Variants in NIPA1 observed in about 807,000 individuals in gnomAD.
The protein encoded by NIPA1 is NIPA magnesium transporter 1.
In NIPA1, 13 loss-of-function variants were observed where a neutral mutation model predicts 23.9. The observed-to-expected ratio is 0.54, with a 90% CI of 0.35 to 0.87. The LOEUF (loss-of-function observed/expected upper bound fraction) is 0.87. Ranked by LOEUF, NIPA1 falls within the 40% of genes least tolerant of loss-of-function variation. The pLI is 0.01. For missense variants in NIPA1, 362 were observed against 429.7 expected, an observed-to-expected ratio of 0.84 and a Z score of 1.39; for synonymous variants, 234 against 202.9, an observed-to-expected ratio of 1.15 and a Z score of -1.30.
At chr15:22,800,939 AAAAAG>A (rs1339872496) in intron 1 of NIPA1, among the ~76,000 whole-genome samples, 6 of 67,000 alleles carry the variant, frequency 9.0e-5, no homozygotes, top group African/African-American at 2.1e-4. Context: ...TCAAAAAAAA[AAAAAG>A]AAAAAAAAAA....
chr15:22,814,595 T>C lies in NIPA1; in HGVS notation c.317+2342T>C, dbSNP rs535035573. Among the ~76,000 whole-genome samples, 5 of 152,282 alleles carry C rather than the reference T, an allele frequency of 3.3e-5. No individual in the cohort carries two copies. The South Asian group carries it at 1.0e-3, about 32-fold the overall frequency. ...TACATAGAAACAGAAATGAAAAGAA[T>C]GTGGCACTGGAAAAATAAGTCTGTG... On this transcript the variant is annotated intron_variant, in intron 3 of 4. Transcript: ENST00000337435.
At chr15:22,800,099 G>A (rs1433985503) in intron 1 of NIPA1, among the ~76,000 whole-genome samples, 2 of 151,850 alleles carry the variant, frequency 1.3e-5, no homozygotes, top group African/African-American at 2.4e-5. Context: ...TTCACTAGAA[G>A]CCCAAACCCC....
intron 1 of NIPA1, among the ~76,000 whole-genome samples, chr15:22,790,704 A>G (rs979789093): frequency 1.3e-5 from 2 of 152,118 alleles, no homozygotes; most frequent in South Asian, 2.1e-4. Context: ...GTGAGCCACC[A>G]TGCTTGGCCT....
chr15:22,812,831 C>T (rs185745758), intron 3 of NIPA1, among the ~76,000 whole-genome samples: 2 of 152,134 alleles, frequency 1.3e-5, no homozygotes, highest in East Asian at 1.9e-4. Flanking sequence ...GGTCGTTGTC[C>T]TGGAGTACAT....
In NIPA1 at chr15:22,810,289, C is replaced by T. The variant is rs796660082; in HGVS notation, c.179-460C>T. ...GTTCCCGCATGGCTGAAAGAAGAGT[C>T]GTATCAGAAGAGTTATAAATAATGA... On this transcript the variant is annotated intron_variant, in intron 1 of 4. Transcript: ENST00000337435. Among the ~76,000 whole-genome samples, 48 of 152,112 alleles carry T rather than the reference C, an allele frequency of 3.2e-4. 1 individual carries two copies. The highest frequency in any genetic ancestry group is 1.2e-3 in the African/African-American group (48 of 41,496).
intron 1 of NIPA1, among the ~76,000 whole-genome samples, chr15:22,800,756 A>G (rs1436238461): frequency 6.6e-6 from 1 of 151,888 alleles, no homozygotes; most frequent in East Asian, 1.9e-4. Context: ...GTAAAACCCC[A>G]TCTCTACTAA....
chr15:22,808,679 C>CTTTTTTTT lies in NIPA1; in HGVS notation c.179-2069_179-2062dup, dbSNP rs59983551. Among the ~76,000 whole-genome samples, 19 of 128,328 alleles carry CTTTTTTTT rather than the reference C, an allele frequency of 1.5e-4. 9 individuals carry two copies. Among genetic ancestry groups the CTTTTTTTT allele is most frequent in the Non-Finnish European group, 1.9e-4 (12 of 63,472 alleles). The allele number at this position is 128,328 out of a possible 152,430, so 84.2% of individuals were successfully genotyped here. On this transcript the variant is annotated intron_variant, in intron 1 of 4. Transcript: ENST00000337435. Reference sequence around the variant, plus strand: ...TGTGATGTGATCAAATAGCAATATTCTTTTTTTTGAGACAGTGTCTCACTC... The same window carrying CTTTTTTTT: ...TGTGATGTGATCAAATAGCAATATTCTTTTTTTTTTTTTTTTGAGACAGTGTCTCACTC...
intron 4 of NIPA1, among the ~76,000 whole-genome samples, chr15:22,820,980 C>CT (rs34707760): frequency 0.057 from 7,980 of 140,334 alleles, 307 homozygotes; most frequent in Middle Eastern, 0.12. Context: ...CTTTTCTTTT[C>CT]TTTTTTTTTT....
At chr15:22,818,461 T>A (rs1732396210) in intron 3 of NIPA1, among the ~76,000 whole-genome samples, 1 of 148,852 alleles carries the variant, frequency 6.7e-6, no homozygotes, top group African/African-American at 2.5e-5. Context: ...AAACAGAAAC[T>A]CTTACAGTGC....
At position 22,827,097 on chromosome 15, in the gene NIPA1, T is replaced by A. The variant is rs895459764; in HGVS notation, c.*2858T>A. 1 of 152,168 alleles carries A rather than the reference T, an allele frequency of 6.6e-6. No individual in the cohort carries two copies. The highest frequency in any genetic ancestry group is 1.5e-5 in the Non-Finnish European group (1 of 68,028). The allele number at this position is 152,168 out of a possible 1,614,324, so 9.4% of individuals were successfully genotyped here. A position where few individuals can be genotyped will look rare whatever the true frequency, so the allele number is the denominator to read the frequency against. Reference sequence around the variant, plus strand: ...TGTACTTGAAATATTTTCATTATCATACTATTCTTTGAAAAAAAAGATGCT... The same window carrying A: ...TGTACTTGAAATATTTTCATTATCAAACTATTCTTTGAAAAAAAAGATGCT... On this transcript the variant is annotated 3_prime_UTR_variant, in exon 5 of 5. Transcript: ENST00000337435.
intron 1 of NIPA1, among the ~76,000 whole-genome samples, chr15:22,797,694 G>A (rs550614097): frequency 2.4e-4 from 36 of 151,656 alleles, no homozygotes; most frequent in African/African-American, 4.8e-4. Context: ...GTAGAGTTGA[G>A]TTTTCACTAT....
intron 3 of NIPA1, among the ~76,000 whole-genome samples, chr15:22,814,630 A>G (rs1027871836): frequency 7.9e-5 from 12 of 152,348 alleles, no homozygotes; most frequent in African/African-American, 2.9e-4. Flanking sequence ...GTAGCAGTGA[A>G]TAGAATAGAG....
At chr15:22,802,391 CAAAAA>C (rs10689474) in intron 1 of NIPA1, among the ~76,000 whole-genome samples, 5 of 114,644 alleles carry the variant, frequency 4.4e-5, no homozygotes, top group Non-Finnish European at 9.0e-5. Context: ...GACTCTGTCT[CAAAAA>C]AAAAAAAAAA....
chr15:22,803,856 T>G (rs1895142225), intron 1 of NIPA1, among the ~76,000 whole-genome samples: 1 of 151,782 alleles, frequency 6.6e-6, no homozygotes. Flanking sequence ...ATTTTTTGTA[T>G]TTTTAGTAGA....
intron 1 of NIPA1, among the ~76,000 whole-genome samples, chr15:22,788,495 T>G (rs1399092361): frequency 1.4e-5 from 1 of 69,874 alleles, no homozygotes; most frequent in Non-Finnish European, 3.8e-5. Context: ...CAAGACTCCA[T>G]CTCAAAAAAA....
At chr15:22,803,700 G>T (rs1895138266) in intron 1 of NIPA1, among the ~76,000 whole-genome samples, 1 of 105,834 alleles carries the variant, frequency 9.4e-6, no homozygotes, top group Admixed American at 1.0e-4. Flanking sequence ...TTTTTTTTGA[G>T]ACAGAGTCTT....
At position 22,786,770 on chromosome 15, in the gene NIPA1, G is replaced by T; in HGVS notation, c.114G>T (p.Ser38=). The T allele has an allele frequency of 7.6e-7, 1 of 1,319,072 alleles. No individual in the cohort carries two copies. 81.7% of individuals were successfully genotyped at this position (1,319,072 alleles called of 1,614,324 possible). A position where few individuals can be genotyped will look rare whatever the true frequency, so the allele number is the denominator to read the frequency against. Reference sequence around the variant, plus strand: ...TCGGCCTGGGCGTGGCCGTCGTGTCGAGCCTGGTGAACGGGTCCACGTTCG... The same window carrying T: ...TCGGCCTGGGCGTGGCCGTCGTGTCTAGCCTGGTGAACGGGTCCACGTTCG... ...VSLGLGVAVV[S]SLVNGSTFVL... Residue 38 remains serine (S), a synonymous_variant, in exon 1 of 5, where the codon TCG becomes TCT. Transcript: ENST00000337435.
At chr15:22,802,422 T>C (rs1248811980) in intron 1 of NIPA1, among the ~76,000 whole-genome samples, 1 of 151,662 alleles carries the variant, frequency 6.6e-6, no homozygotes, top group Admixed American at 6.6e-5. Flanking sequence ...TAAACCACTT[T>C]ATTGGGGTAT....
intron 2 of NIPA1, 50 bp downstream of exon 2, chr15:22,810,846 T>C: frequency 7.0e-7 from 1 of 1,421,542 alleles, no homozygotes; most frequent in Non-Finnish European, 1.0e-6. Context: ...TTAGAATCCA[T>C]CACTGGTCTG....
Sources: allele counts gnomAD v4.1 joint callset (sites outside exome capture counted in the v4.1 genomes callset), GRCh38; gene constraint gnomAD v4.1.1; transcripts MANE v1.5; gene names NCBI Gene and HGNC (gene_info 2026-07-23, HGNC 2026-07-21).